The following ANKRD17 variants were observed in gnomAD, a reference collection of about 807,000 sequenced individuals.
ANKRD17 encodes the protein ankyrin repeat domain 17.
ANKRD17 carries 19 observed loss-of-function variants against 229.7 expected under a neutral mutation model. That is an observed-to-expected ratio of 0.08 (90% CI 0.06 to 0.12). The LOEUF (loss-of-function observed/expected upper bound fraction) is 0.12. ANKRD17 is among the 10% of genes least tolerant of loss of function. The pLI, the probability that ANKRD17 is intolerant of heterozygous loss-of-function variation, is 1.00. For missense variants in ANKRD17, 2,176 were observed against 3,176.8 expected, an observed-to-expected ratio of 0.68 and a Z score of 7.57; for synonymous variants, 1,112 against 1,146.1, an observed-to-expected ratio of 0.97 and a Z score of 0.60.
At chr4:73,256,119 T>C (rs980377252) in intron 1 of ANKRD17, among the ~76,000 whole-genome samples, 2 of 152,216 alleles carry the variant, frequency 1.3e-5, no homozygotes, top group African/African-American at 2.4e-5. Context: ...GGATAAGGTA[T>C]GTTAAAAACA....
At chr4:73,113,248 C>T in intron 24 of ANKRD17, 1 of 1,289,340 alleles carries the variant, frequency 7.8e-7, no homozygotes, top group Non-Finnish European at 1.0e-6. Context: ...ACTGTCCAAA[C>T]TATATGCTGT....
intron 1 of ANKRD17, among the ~76,000 whole-genome samples, chr4:73,191,285 A>G (rs1737031889): frequency 6.6e-6 from 1 of 151,282 alleles, no homozygotes; most frequent in Non-Finnish European, 1.5e-5. Flanking sequence ...TCAACAAACT[A>G]TTTTGGGAGA....
intron 1 of ANKRD17, among the ~76,000 whole-genome samples, chr4:73,198,939 A>C (rs1035800880): frequency 6.6e-6 from 1 of 152,234 alleles, no homozygotes; most frequent in Non-Finnish European, 1.5e-5. Context: ...ACACATAAAA[A>C]GATATTCAAG....
intron 1 of ANKRD17, among the ~76,000 whole-genome samples, chr4:73,212,507 A>G (rs1458631881): frequency 6.6e-6 from 1 of 152,188 alleles, no homozygotes. Flanking sequence ...TTTTCAGAAG[A>G]GAGCATATTT....
intron 1 of ANKRD17, among the ~76,000 whole-genome samples, chr4:73,192,907 C>A (rs960438115): frequency 2.0e-5 from 3 of 152,012 alleles, no homozygotes; most frequent in Non-Finnish European, 2.9e-5. Context: ...TCTTTTAATT[C>A]TTTTTCTTTT....
chr4:73,076,928 G>A lies in ANKRD17; in HGVS notation c.7752+12C>T. ...CAAAACAACTGTTTATTCACTGAAT[G>A]ATCAGCCTCACCGTTTGAGGGCCAT... On this transcript the variant is annotated intron_variant, in intron 33 of 33. Transcript: ENST00000358602. The A allele has an allele frequency of 6.2e-7, 1 of 1,602,038 alleles. No homozygotes were observed. The highest frequency in any genetic ancestry group is 1.1e-5 in the South Asian group (1 of 88,504).
At chr4:73,233,286 C>G (rs1034666744) in intron 1 of ANKRD17, among the ~76,000 whole-genome samples, 1 of 151,968 alleles carries the variant, frequency 6.6e-6, no homozygotes, top group Non-Finnish European at 1.5e-5. Context: ...CTGACCCCTT[C>G]GTTTGTTGCC....
At chr4:73,107,858 T>C (rs1387455275) in intron 24 of ANKRD17, among the ~76,000 whole-genome samples, 2 of 152,124 alleles carry the variant, frequency 1.3e-5, no homozygotes, top group African/African-American at 4.8e-5. Flanking sequence ...AGAAGTGTGA[T>C]ATGATTTGAT....
intron 3 of ANKRD17, among the ~76,000 whole-genome samples, chr4:73,157,953 A>T (rs1731890807): frequency 6.6e-6 from 1 of 151,728 alleles, no homozygotes; most frequent in African/African-American, 2.4e-5. Flanking sequence ...TTAGCCGGGC[A>T]TGGCAGCGTG....
intron 3 of ANKRD17, among the ~76,000 whole-genome samples, chr4:73,158,222 C>A (rs909068309): frequency 2.9e-4 from 32 of 110,284 alleles, no homozygotes; most frequent in African/African-American, 1.1e-3. Flanking sequence ...TAGAACATGT[C>A]ATTCCTCTAC....
intron 21 of ANKRD17, among the ~76,000 whole-genome samples, chr4:73,119,583 A>G (rs1726437369): frequency 1.3e-5 from 2 of 152,358 alleles, no homozygotes; most frequent in South Asian, 4.1e-4. Flanking sequence ...GATGGGAAGA[A>G]CCATGGTTAG....
At chr4:73,210,158 C>T (rs1188179850) in intron 1 of ANKRD17, among the ~76,000 whole-genome samples, 1 of 151,956 alleles carries the variant, frequency 6.6e-6, no homozygotes, top group Non-Finnish European at 1.5e-5. Context: ...AAGGTAGAAA[C>T]TGACTTTATT....
intron 16 of ANKRD17, among the ~76,000 whole-genome samples, chr4:73,134,194 G>T (rs1327636089): frequency 6.6e-6 from 1 of 152,088 alleles, no homozygotes; most frequent in Non-Finnish European, 1.5e-5. Context: ...TAGGTTAAGA[G>T]TACATGCCCT....
intron 9 of ANKRD17, 67 bp downstream of exon 9, chr4:73,147,174 T>C (rs1730396847): frequency 2.9e-6 from 4 of 1,377,912 alleles, no homozygotes; most frequent in Admixed American, 2.4e-5. Context: ...ATAAAAATAT[T>C]TGCATTATGA....
intron 1 of ANKRD17, among the ~76,000 whole-genome samples, chr4:73,212,649 C>T (rs1314152201): frequency 6.6e-6 from 1 of 151,444 alleles, no homozygotes; most frequent in Non-Finnish European, 1.5e-5. Context: ...AAAACGAAAA[C>T]TTTCTGATAT....
chr4:73,177,632 T>A lies in ANKRD17; in HGVS notation c.394-99A>T, dbSNP rs959757540. 5.7e-6 allele frequency: 5 copies of A among 881,564 alleles called. No individual in the cohort carries two copies. In the African/African-American group the frequency reaches 6.7e-5, roughly 12 times the overall value. 54.6% of individuals were successfully genotyped at this position (881,564 alleles called of 1,614,324 possible). ...AAGAAAGCAGGGGAGGGAAAAAATA[T>A]GTTAACATAATTAACAATGGTAAAC... On this transcript the variant is annotated intron_variant, in intron 1 of 33. Coordinates refer to ENST00000358602, the MANE Select transcript of ANKRD17 (RefSeq NM_032217.5).
chr4:73,216,436 AAC>A (rs1247662935), intron 1 of ANKRD17, among the ~76,000 whole-genome samples: 3 of 152,222 alleles, frequency 2.0e-5, no homozygotes, highest in Non-Finnish European at 4.4e-5. Context: ...AAGAATTTAA[AAC>A]TATTGCTCTA....
intron 2 of ANKRD17, among the ~76,000 whole-genome samples, chr4:73,166,077 A>G (rs913946634): frequency 2.6e-5 from 4 of 152,230 alleles, no homozygotes; most frequent in Non-Finnish European, 4.4e-5. Context: ...TCACACCACT[A>G]TATTTATAGT....
chr4:73,097,977 T>C, intron 26 of ANKRD17, 96 bp downstream of exon 26: 2 of 1,163,490 alleles, frequency 1.7e-6, no homozygotes, highest in Non-Finnish European at 1.2e-6. Flanking sequence ...AAATCCTATT[T>C]TGCAAGTTGC....
Sources: allele counts gnomAD v4.1 joint callset (sites outside exome capture counted in the v4.1 genomes callset), GRCh38; gene constraint gnomAD v4.1.1; transcripts MANE v1.5; gene names NCBI Gene and HGNC (gene_info 2026-07-23, HGNC 2026-07-21).